The following ZBTB32 variants were observed in gnomAD, a reference collection of about 807,000 sequenced individuals.
ZBTB32 encodes zinc finger and BTB domain-containing protein 32.
A neutral mutation model predicts 45.3 loss-of-function variants in ZBTB32; 28 were observed. The observed-to-expected ratio is 0.62, with a 90% confidence interval of 0.46 to 0.85. The LOEUF (loss-of-function observed/expected upper bound fraction) is 0.85, where lower values mean the gene tolerates loss of function less well. ZBTB32 is among the 40% of genes least tolerant of loss of function. The pLI is 0.00. For synonymous variants in ZBTB32, 283 were observed against 255.7 expected, an observed-to-expected ratio of 1.11 and a Z score of -1.02; for missense variants, 587 against 624.4, an observed-to-expected ratio of 0.94 and a Z score of 0.64.
At chr19:35,707,373 T>TTC (rs1256631097) in intron 1 of ZBTB32, among the ~76,000 whole-genome samples, 8 of 148,218 alleles carry the variant, frequency 5.4e-5, no homozygotes, top group African/African-American at 2.0e-4. Flanking sequence ...CATTTTCTTT[T>TTC]TTTTTTTTTT....
In ZBTB32 at chr19:35,716,927, C is replaced by A; in HGVS notation, c.*175C>A. On this transcript the variant is annotated 3_prime_UTR_variant, in exon 7 of 7. Coordinates refer to ENST00000392197, the MANE Select transcript of ZBTB32 (RefSeq NM_014383.3). ...CGATCGCGGGTCGCAGAAGCCCAGG[C>A]CAGCGAGCCCTACAGAGTGAGGACA... 1 of 686,210 alleles carries A rather than the reference C, an allele frequency of 1.5e-6. No individual in the cohort carries two copies. Among genetic ancestry groups the A allele is most frequent in the Non-Finnish European group, 2.4e-6 (1 of 413,880 alleles). 42.5% of individuals were successfully genotyped at this position (686,210 alleles called of 1,614,324 possible). A position where few individuals can be genotyped will look rare whatever the true frequency, so the allele number is the denominator to read the frequency against.
chr19:35,715,440 T>A lies in ZBTB32; in HGVS notation c.814T>A (p.Tyr272Asn). Residue 272 changes from tyrosine to asparagine, a missense_variant, in exon 3 of 7, where the codon TAT (tyrosine) becomes AAT (asparagine). Transcript: ENST00000392197. ...LWSILLMPPR[Y>N]GIPFYHSTPT... ...GAGCATCCTGCTGATGCCGCCCAGA[T>A]ATGGCATTCCCTTCTACCATAGCAC... 1 of 1,593,934 alleles carries A rather than the reference T, an allele frequency of 6.3e-7. No individual in the cohort carries two copies. The highest frequency in any genetic ancestry group is 8.5e-7 in the Non-Finnish European group (1 of 1,172,748).
Position 35,714,823 on chromosome 19 carries a change from T to C in ZBTB32, c.197T>C (p.Ile66Thr). The part of the protein sequence containing the change: ...RRGQWALGEG[I>T]SPSTFAQLLN... ...GGCCAGTGGGCTCTGGGAGAAGGCA[T>C]CAGCCCTTCTACCTTTGCCCAGCTC... Residue 66 changes from isoleucine to threonine, a missense_variant, in exon 3 of 7, where the codon ATC becomes ACC. Physicochemically the swap from Ile to Thr is moderately conservative, Grantham distance 89. Coordinates refer to ENST00000392197, the MANE Select transcript of ZBTB32 (RefSeq NM_014383.3). 6.2e-7 allele frequency: 1 copy of C among 1,613,598 alleles called. No homozygotes were observed. Among genetic ancestry groups the C allele is most frequent in the Non-Finnish European group, 8.5e-7 (1 of 1,179,732 alleles).
intron 1 of ZBTB32, among the ~76,000 whole-genome samples, chr19:35,707,195 T>TA (rs537947581): frequency 2.0e-3 from 216 of 105,896 alleles, no homozygotes; most frequent in East Asian, 6.7e-3. Flanking sequence ...ACTGTGTCTC[T>TA]AAAAAAAAAA....
At position 35,716,555 on chromosome 19, in the gene ZBTB32, C is replaced by A; in HGVS notation, c.1267C>A (p.His423Asn). The A allele has an allele frequency of 1.9e-6, 3 of 1,613,150 alleles. No individual in the cohort carries two copies. In the South Asian group the frequency reaches 3.3e-5, roughly 18 times the overall value. Residue 423 changes from histidine (H) to asparagine (N), a missense_variant, in exon 7 of 7, where the codon CAC becomes AAC. His to Asn is a moderately conservative substitution (Grantham distance 68, BLOSUM62 1). Transcript: ENST00000392197. The stretch of plus-strand genomic sequence containing the variant: ...GGCCATGACCAAGCACCTGCGGACA[C>A]ACGGGGCCGCTCCGTACCGCTGCTC... ...FSAMTKHLRTHGAAPYRCSLC... is the reference protein window; with the variant it reads ...FSAMTKHLRTNGAAPYRCSLC...
At chr19:35,706,177 G>A (rs1483258494) in intron 1 of ZBTB32, among the ~76,000 whole-genome samples, 4 of 149,862 alleles carry the variant, frequency 2.7e-5, no homozygotes, top group Non-Finnish European at 5.9e-5. Flanking sequence ...GCGGTGAGCC[G>A]AGATCGTGCC....
chr19:35,707,753 G>C (rs770630766), intron 1 of ZBTB32, among the ~76,000 whole-genome samples: 1 of 152,008 alleles, frequency 6.6e-6, no homozygotes, highest in Non-Finnish European at 1.5e-5. Flanking sequence ...AGGCTGAGGC[G>C]GGTGGATCAC....
chr19:35,707,434 A>G (rs1260970547), intron 1 of ZBTB32, among the ~76,000 whole-genome samples: 2 of 135,454 alleles, frequency 1.5e-5, no homozygotes, highest in African/African-American at 5.7e-5. Flanking sequence ...CAGTGGTGTG[A>G]TCTTGGCTCA....
At chr19:35,712,231 G>A (rs1438228241) in intron 1 of ZBTB32, among the ~76,000 whole-genome samples, 1 of 152,120 alleles carries the variant, frequency 6.6e-6, no homozygotes, top group Non-Finnish European at 1.5e-5. Flanking sequence ...GGAGGCCAAG[G>A]CAGGCGGATC....
chr19:35,715,730 C>A, intron 3 of ZBTB32, 27 bp from the exon 4 acceptor site: 1 of 1,585,480 alleles, frequency 6.3e-7, no homozygotes, highest in South Asian at 1.1e-5. Context: ...TTAGCCAAGG[C>A]TGTAACTCTT....
intron 1 of ZBTB32, among the ~76,000 whole-genome samples, chr19:35,709,395 T>C (rs1968627741): frequency 6.6e-6 from 1 of 152,194 alleles, no homozygotes; most frequent in Non-Finnish European, 1.5e-5. Flanking sequence ...ATTTTAATTA[T>C]AATATTTAAG....
chr19:35,711,390 G>A (rs1270102568), intron 1 of ZBTB32, among the ~76,000 whole-genome samples: 2 of 152,142 alleles, frequency 1.3e-5, no homozygotes, highest in Non-Finnish European at 2.9e-5. Flanking sequence ...CTTTTATATG[G>A]GTGTGGTGGT....
chr19:35,713,684 A>G (rs914612112), intron 2 of ZBTB32: 1 of 152,266 alleles, frequency 6.6e-6, no homozygotes, highest in Non-Finnish European at 1.5e-5. Context: ...TTAAAAGCCA[A>G]TGTGGTGGTT....
chr19:35,709,056 A>T (rs946453423), intron 1 of ZBTB32, among the ~76,000 whole-genome samples: 10 of 152,020 alleles, frequency 6.6e-5, no homozygotes, highest in Non-Finnish European at 1.2e-4. Flanking sequence ...CCGACCTCAG[A>T]TGATCCGCTT....
chr19:35,707,245 T>C (rs1968567649), intron 1 of ZBTB32, among the ~76,000 whole-genome samples: 1 of 150,312 alleles, frequency 6.7e-6, no homozygotes, highest in African/African-American at 2.4e-5. Flanking sequence ...ATGTATATTA[T>C]GAGGAGGGGA....
chr19:35,711,917 C>A (rs553611157), intron 1 of ZBTB32, among the ~76,000 whole-genome samples: 1 of 145,340 alleles, frequency 6.9e-6, no homozygotes, highest in African/African-American at 2.6e-5. Context: ...CCCAGCTACT[C>A]GGGAGGCTGA....
chr19:35,714,806 G>A lies in ZBTB32; in HGVS notation c.180G>A (p.Trp60Ter). 3 of 1,614,012 alleles carry A rather than the reference G, an allele frequency of 1.9e-6. No homozygotes were observed. Among genetic ancestry groups the A allele is most frequent in the Non-Finnish European group, 2.5e-6 (3 of 1,179,960 alleles). ...AGCAGCTGGGCCGCAGGGGCCAGTG[G>A]GCTCTGGGAGAAGGCATCAGCCCTT... ...VSQQLGRRGQ[W>*]ALGEGISPST... is the part of the protein sequence containing the mutation. Residue 60 changes from tryptophan to a stop codon, truncating the protein, a stop_gained, in exon 3 of 7, where the codon TGG becomes TGA. Coordinates refer to ENST00000392197, the MANE Select transcript of ZBTB32 (RefSeq NM_014383.3). LOFTEE classifies it high-confidence loss of function.
At position 35,716,498 on chromosome 19, in the gene ZBTB32, A is replaced by C. The variant is rs1437342183; in HGVS notation, c.1210A>C (p.Ser404Arg). ...TCTAGGAGAGAAGCCCTTCTCCTGT[A>C]GCCTTTGTCCTCAGCGCTCCCGGGA... is the stretch of plus-strand genomic sequence containing the variant. ...VHTGEKPFSC[S>R]LCPQRSRDFS... Residue 404 changes from serine to arginine, a missense_variant, in exon 7 of 7, where the codon AGC becomes CGC. By Grantham distance (110) the Ser-to-Arg change is moderately radical. Transcript: ENST00000392197. The C allele has an allele frequency of 6.2e-7, 1 of 1,608,772 alleles. No individual in the cohort carries two copies. The highest frequency in any genetic ancestry group is 1.3e-5 in the African/African-American group (1 of 74,802).
chr19:35,705,839 A>C (rs1968524818), intron 1 of ZBTB32, among the ~76,000 whole-genome samples: 1 of 150,802 alleles, frequency 6.6e-6, no homozygotes, highest in Non-Finnish European at 1.5e-5. Context: ...TGAACCCACG[A>C]GGCGGAGGTT....
Sources: allele counts gnomAD v4.1 joint callset (sites outside exome capture counted in the v4.1 genomes callset), GRCh38; gene constraint gnomAD v4.1.1; transcripts MANE v1.5; gene names NCBI Gene and HGNC (gene_info 2026-07-23, HGNC 2026-07-21).